EDIL3: variants seen among roughly 807,000 people sequenced by gnomAD.
EDIL3 encodes the protein EGF-like repeat and discoidin I-like domain-containing protein 3.
In EDIL3, 37 loss-of-function variants were observed where a neutral mutation model predicts 67.4. The observed-to-expected ratio is 0.55, with a 90% CI of 0.42 to 0.72. The LOEUF is 0.72. Among genes scored for constraint, EDIL3 ranks in the 30% least tolerant of loss-of-function variants. The probability of loss-of-function intolerance (pLI) is 0.00; values close to 1 mark genes in which losing one functional copy is unlikely to be tolerated. For synonymous variants in EDIL3, 195 were observed against 196.3 expected (o/e 0.99, Z 0.05); for missense variants, 527 against 586.3 (o/e 0.90, Z 1.04).
chr5:84,312,454 C>A (rs577554102), intron 1 of EDIL3, among the ~76,000 whole-genome samples: 1 of 134,114 alleles, frequency 7.5e-6, no homozygotes, highest in Non-Finnish European at 1.6e-5. Context: ...CCAGTAGGGG[C>A]GGCCGGGCAG....
At chr5:84,336,689 T>A (rs1746993676) in intron 1 of EDIL3, among the ~76,000 whole-genome samples, 1 of 152,152 alleles carries the variant, frequency 6.6e-6, no homozygotes, top group African/African-American at 2.4e-5. Flanking sequence ...AATGGTGGTG[T>A]CTTTAACTAA....
intron 6 of EDIL3, among the ~76,000 whole-genome samples, chr5:84,093,298 T>A (rs1016450811): frequency 8.5e-5 from 13 of 152,168 alleles, no homozygotes; most frequent in African/African-American, 2.9e-4. Context: ...TAACTCTGAT[T>A]CCTACTCTCA....
chr5:84,031,219 A>C (rs1462268891), intron 9 of EDIL3, among the ~76,000 whole-genome samples: 2 of 152,214 alleles, frequency 1.3e-5, no homozygotes, highest in African/African-American at 4.8e-5. Context: ...TAGGACTTAA[A>C]TATATAAATT....
At chr5:84,034,514 G>A (rs1745983673) in intron 9 of EDIL3, among the ~76,000 whole-genome samples, 1 of 152,108 alleles carries the variant, frequency 6.6e-6, no homozygotes. Flanking sequence ...CTACATAGTA[G>A]ACACTGCAAA....
chr5:83,948,654 T>C (rs1002337825), intron 10 of EDIL3, among the ~76,000 whole-genome samples: 1 of 151,776 alleles, frequency 6.6e-6, no homozygotes, highest in African/African-American at 2.4e-5. Context: ...TTTTTAAACA[T>C]TTTAGTTAGT....
In EDIL3 at chr5:84,020,291, C is replaced by T. The variant is rs529925099; in HGVS notation, c.1137+40009G>A. 8.0e-4 allele frequency among the ~76,000 whole-genome samples: 121 copies of T among 152,024 alleles called. 1 individual carries two copies. The highest frequency in any genetic ancestry group is 1.4e-3 in the Non-Finnish European group (92 of 67,938). On this transcript the variant is annotated intron_variant, in intron 9 of 10. Coordinates refer to ENST00000296591, the MANE Select transcript of EDIL3 (RefSeq NM_005711.5). The stretch of plus-strand genomic sequence containing the variant: ...AGGCTTGGATGAATTGGGAAGGGCT[C>T]AAATTTATATTCACCCAAAGGAAAT...
intron 6 of EDIL3, among the ~76,000 whole-genome samples, chr5:84,101,262 G>A (rs549336289): frequency 1.3e-5 from 2 of 152,096 alleles, no homozygotes; most frequent in Non-Finnish European, 2.9e-5. Flanking sequence ...AATCTTTAAA[G>A]TTCTGACAAC....
intron 3 of EDIL3, among the ~76,000 whole-genome samples, chr5:84,217,728 A>ACACACC (rs1744258417): frequency 6.8e-6 from 1 of 146,746 alleles, no homozygotes; most frequent in Non-Finnish European, 1.5e-5. Context: ...ACAAACACAC[A>ACACACC]CACACACACA....
chr5:83,964,325 T>C (rs1744655295), intron 9 of EDIL3, among the ~76,000 whole-genome samples: 1 of 151,938 alleles, frequency 6.6e-6, no homozygotes, highest in South Asian at 2.1e-4. Flanking sequence ...TTTATGTTCC[T>C]TGATCTACGG....
At chr5:84,073,336 G>A (rs892541590) in intron 6 of EDIL3, among the ~76,000 whole-genome samples, 3 of 152,266 alleles carry the variant, frequency 2.0e-5, no homozygotes, top group South Asian at 2.1e-4. Context: ...AGTGTTGGAA[G>A]TTCTGGCCAG....
At chr5:83,969,146 A>C (rs1744747961) in intron 9 of EDIL3, among the ~76,000 whole-genome samples, 1 of 151,716 alleles carries the variant, frequency 6.6e-6, no homozygotes, top group African/African-American at 2.4e-5. Flanking sequence ...TATGTTATTA[A>C]AATATTTTTA....
intron 4 of EDIL3, among the ~76,000 whole-genome samples, chr5:84,144,889 T>A (rs1748266492): frequency 6.6e-6 from 1 of 152,132 alleles, no homozygotes; most frequent in East Asian, 1.9e-4. Flanking sequence ...TTTCCTATAG[T>A]GAGTTATCAG....
chr5:84,337,925 G>C (rs996590068), intron 1 of EDIL3, among the ~76,000 whole-genome samples: 3 of 152,062 alleles, frequency 2.0e-5, no homozygotes, highest in African/African-American at 7.2e-5. Flanking sequence ...TGCAACTATA[G>C]AAGAATGTGC....
chr5:84,166,373 T>TTTTG (rs78483809), intron 4 of EDIL3, among the ~76,000 whole-genome samples: 2 of 152,160 alleles, frequency 1.3e-5, no homozygotes, highest in East Asian at 1.9e-4. Flanking sequence ...TTCTCCCTTG[T>TTTTG]TTTGTTTGTT....
chr5:84,133,357 T>G (rs1399218988), intron 5 of EDIL3, among the ~76,000 whole-genome samples: 3 of 150,568 alleles, frequency 2.0e-5, no homozygotes, highest in African/African-American at 7.4e-5. Flanking sequence ...GCGCAGTAGC[T>G]CATGCCTGTA....
At chr5:84,355,234 A>G (rs1433462528) in intron 1 of EDIL3, among the ~76,000 whole-genome samples, 2 of 151,674 alleles carry the variant, frequency 1.3e-5, no homozygotes, top group Non-Finnish European at 2.9e-5. Context: ...CATTAAGTTA[A>G]TCTTCAATCT....
chr5:84,184,186 C>T (rs1030355502), intron 3 of EDIL3, among the ~76,000 whole-genome samples: 12 of 152,052 alleles, frequency 7.9e-5, no homozygotes, highest in African/African-American at 2.9e-4. Context: ...GTCTCTCTGA[C>T]AAAAATGGGG....
At chr5:84,193,528 T>C (rs74847002) in intron 3 of EDIL3, among the ~76,000 whole-genome samples, 5,200 of 151,964 alleles carry the variant, frequency 0.034, 118 homozygotes, top group Non-Finnish European at 0.053. Flanking sequence ...AATGTTAGTG[T>C]TTGTGGAAAT....
At chr5:84,330,248 G>T (rs1257347673) in intron 1 of EDIL3, among the ~76,000 whole-genome samples, 1 of 152,216 alleles carries the variant, frequency 6.6e-6, no homozygotes, top group South Asian at 2.1e-4. Flanking sequence ...AAAGAGAAAA[G>T]GTTTAGCTCT....
Sources: gnomAD v4.1 joint callset for allele counts (sites outside exome capture counted in the v4.1 genomes callset) on GRCh38, gnomAD v4.1.1 for gene constraint, MANE v1.5 for transcripts, NCBI Gene and HGNC (gene_info 2026-07-23, HGNC 2026-07-21) for gene names.